Variants in SHANK1 observed in about 807,000 individuals in gnomAD.
The protein encoded by SHANK1 is SH3 and multiple ankyrin repeat domains 1, also known as SH3 and multiple ankyrin repeat domains protein 1.
Under a neutral mutation model 165.6 loss-of-function variants are expected in SHANK1, and 35 were observed. That is an observed-to-expected ratio of 0.21 (90% CI 0.16 to 0.28). SHANK1 has a LOEUF of 0.28. Among genes scored for constraint, SHANK1 ranks in the 10% least tolerant of loss-of-function variants. The pLI, the probability that SHANK1 is intolerant of heterozygous loss-of-function variation, is 1.00. For synonymous variants in SHANK1, 1,428 were observed against 1,384.8 expected, an observed-to-expected ratio of 1.03 and a Z score of -0.69; for missense variants, 2,681 against 3,036.4, an observed-to-expected ratio of 0.88 and a Z score of 2.75.
chr19:50,713,811 C>T lies in SHANK1; in HGVS notation c.779G>A (p.Cys260Tyr). The T allele has an allele frequency of 2.5e-6, 4 of 1,613,418 alleles. No homozygotes were observed. Among genetic ancestry groups the T allele is most frequent in the Non-Finnish European group, 3.4e-6 (4 of 1,179,942 alleles). The part of the protein sequence containing the change: ...ALHKAACARH[C>Y]LALTALLDLG... ...CCGAAGCCTCACCGTGAGTGCCAGG[C>T]AGTGTCGGGCGCATGCGGCCTTATG... The change falls in exon 6 of 24, where the codon TGC becomes TAC. Residue 260 changes from cysteine (C) to tyrosine (Y), a missense_variant. Cys to Tyr is a radical substitution (Grantham distance 194, BLOSUM62 -2). This residue lies in a region of SHANK1 where 189 missense variants were observed against 440.9 expected (regional missense o/e 0.43). Transcript: ENST00000293441. The surrounding 1 kb of genome is among the most constrained non-coding windows in gnomAD (Gnocchi z 6.2).
At position 50,713,701 on chromosome 19, in the gene SHANK1, A is replaced by G; in HGVS notation, c.792+97T>C. 6.6e-7 allele frequency: 1 copy of G among 1,508,614 alleles called. No individual in the cohort carries two copies. The highest frequency in any genetic ancestry group is 1.4e-5 in the African/African-American group (1 of 72,724). 93.5% of individuals were successfully genotyped at this position (1,508,614 alleles called of 1,614,324 possible). ...TTGAACTGGGGACATGAGAGGGCCT[A>G]TTTTTAACTGAAACCAAAGAACTGA... On this transcript the variant is annotated intron_variant, in intron 6 of 23. Coordinates refer to ENST00000293441, the MANE Select transcript of SHANK1 (RefSeq NM_016148.5). This position sits in a 1 kb window ranked among gnomAD's most constrained non-coding sequence, Gnocchi z 6.2.
intron 15 of SHANK1, among the ~76,000 whole-genome samples, chr19:50,692,547 C>G (rs1339353828): frequency 6.6e-6 from 1 of 150,806 alleles, no homozygotes; most frequent in Non-Finnish European, 1.5e-5. Context: ...GTTCCTGCTT[C>G]TGCTTCTCAA....
chr19:50,683,712 G>A (rs925946129), intron 21 of SHANK1, among the ~76,000 whole-genome samples: 5 of 152,246 alleles, frequency 3.3e-5, no homozygotes, highest in South Asian at 2.1e-4. Context: ...AGGCACCCTC[G>A]TTCAGCCTCG....
chr19:50,696,496 A>G (rs1986746194), intron 15 of SHANK1, among the ~76,000 whole-genome samples: 1 of 152,016 alleles, frequency 6.6e-6, no homozygotes. Context: ...GCTACGCACA[A>G]GGGGACTCTT....
rs1331180551 is a variant in SHANK1, at chr19:50,670,065, C to A, written c.2675-780G>T. ...TTATGCCTGGGGCCCCATCCTCCGC[C>A]CTGAGCTCTGGGCCCCTATATTCAA... On this transcript the variant is annotated intron_variant, in intron 22 of 23. Coordinates refer to ENST00000293441, the MANE Select transcript of SHANK1 (RefSeq NM_016148.5). This position sits in a 1 kb window ranked among gnomAD's most constrained non-coding sequence, Gnocchi z 4.1. Among the ~76,000 whole-genome samples, 1 of 152,132 alleles carries A rather than the reference C, an allele frequency of 6.6e-6. No homozygotes were observed. The highest frequency in any genetic ancestry group is 1.5e-5 in the Non-Finnish European group (1 of 68,028).
Position 50,668,225 on chromosome 19 carries a change from G to T in SHANK1, c.3735C>A (p.Gly1245=). The T allele has an allele frequency of 6.7e-7, 1 of 1,487,274 alleles. No homozygotes were observed. Among genetic ancestry groups the T allele is most frequent in the African/African-American group, 1.5e-5 (1 of 68,590 alleles). The allele number at this position is 1,487,274 out of a possible 1,614,324, so 92.1% of individuals were successfully genotyped here. Residue 1245 remains glycine (G), a synonymous_variant, in exon 23 of 24, where the codon GGC becomes GGA. Transcript: ENST00000293441. ...ALVGAARREG[G]WQNEARRRST... is the part of the protein sequence containing the mutation. ...AGCGCCGGCGCGCCTCATTCTGCCA[G>T]CCCCCCTCCCTCCGGGCCGCCCCCA... is the stretch of plus-strand genomic sequence containing the variant.
intron 15 of SHANK1, among the ~76,000 whole-genome samples, chr19:50,693,559 C>T (rs1457240035): frequency 6.6e-6 from 1 of 151,636 alleles, no homozygotes; most frequent in South Asian, 2.1e-4. Flanking sequence ...GGCACTGCAG[C>T]GGCCTGCACT....
At position 50,716,295 on chromosome 19, in the gene SHANK1, T is replaced by C; in HGVS notation, c.439A>G (p.Lys147Glu). The C allele has an allele frequency of 6.2e-7, 1 of 1,614,012 alleles. No individual in the cohort carries two copies. Among genetic ancestry groups the C allele is most frequent in the Non-Finnish European group, 8.5e-7 (1 of 1,179,952 alleles). ...LLREYPQSFE[K>E]GVPYLEFRYK... is the part of the protein sequence containing the mutation. ...TTCACCTCCAGGTAGGGGACCCCCT[T>C]CTCAAAGGACTGGGGGTACTCCCGC... Residue 147 changes from lysine to glutamate, a missense_variant, in exon 3 of 24, where the codon AAG (lysine) becomes GAG (glutamate). Around this residue, in one of 10 missense-constraint regions of SHANK1, gnomAD observed 189 missense variants for 440.9 expected, o/e 0.43. Coordinates refer to ENST00000293441, the MANE Select transcript of SHANK1 (RefSeq NM_016148.5). The surrounding 1 kb of genome is among the most constrained non-coding windows in gnomAD (Gnocchi z 8.4).
At position 50,659,722 on chromosome 19, in the gene SHANK1, G is replaced by A. The variant is rs1311477902; in HGVS notation, c.*2243C>T. On this transcript the variant is annotated 3_prime_UTR_variant, in exon 24 of 24. Transcript: ENST00000293441. Reference sequence around the variant, plus strand: ...TTGCTTTTTCTCTCCTCTCCACCCCGCGCTGTCCCCGCATTCGGTCCCTCC... The same window carrying A: ...TTGCTTTTTCTCTCCTCTCCACCCCACGCTGTCCCCGCATTCGGTCCCTCC... Among the ~76,000 whole-genome samples the A allele has an allele frequency of 7.2e-6, 1 of 138,168 alleles. No homozygotes were observed. Among genetic ancestry groups the A allele is most frequent in the Non-Finnish European group, 1.5e-5 (1 of 64,800 alleles). The allele number at this position is 138,168 out of a possible 152,430, so 90.6% of individuals were successfully genotyped here.
At position 50,716,267 on chromosome 19, in the gene SHANK1, A is replaced by C. The variant is rs1245237748; in HGVS notation, c.459+8T>G. On this transcript the variant is annotated splice_region_variant and intron_variant, in intron 3 of 23. Transcript: ENST00000293441. The surrounding 1 kb of genome is among the most constrained non-coding windows in gnomAD (Gnocchi z 8.4). The stretch of plus-strand genomic sequence containing the variant: ...CTCTTATCAGTGAAGGAGTTGGGGA[A>C]GCTTCACCTCCAGGTAGGGGACCCC... 6.2e-7 allele frequency: 1 copy of C among 1,612,498 alleles called. No individual in the cohort carries two copies. The highest frequency in any genetic ancestry group is 1.7e-5 in the Admixed American group (1 of 60,012).
rs184954389 is a variant in SHANK1, at chr19:50,709,742, G to T, written c.1077+1629C>A. On this transcript the variant is annotated intron_variant, in intron 8 of 23. Transcript: ENST00000293441. ...TTTTTGTATTTTTTCATAGAGACCA[G>T]GTTTTCCCACGTTGCCCAGGCTGGT... 2.0e-5 allele frequency among the ~76,000 whole-genome samples: 3 copies of T among 152,206 alleles called. No homozygotes were observed. In the East Asian group the frequency reaches 5.8e-4, roughly 29 times the overall value.
chr19:50,698,793 C>A (rs951003279), intron 12 of SHANK1, among the ~76,000 whole-genome samples: 3 of 152,182 alleles, frequency 2.0e-5, no homozygotes, highest in African/African-American at 7.2e-5. Context: ...AGAGGGCATA[C>A]TTTCAGTCAC....
In SHANK1 at chr19:50,704,470, A is replaced by G; in HGVS notation, c.1122T>C (p.Asp374=). 6.2e-7 allele frequency: 1 copy of G among 1,613,960 alleles called. No individual in the cohort carries two copies. Among genetic ancestry groups the G allele is most frequent in the Non-Finnish European group, 8.5e-7 (1 of 1,179,994 alleles). The change falls in exon 9 of 24, where the codon GAT becomes GAC. Residue 374 remains aspartate (D), a synonymous_variant. Transcript: ENST00000293441. ...RILLYRGADK[D]VKNNNGQTPF... ...GGGTCTGTCCGTTGTTGTTCTTCACATCCTTGTCGGCACCTCGATACAGGA... is the reference window on the plus strand; with the variant it reads ...GGGTCTGTCCGTTGTTGTTCTTCACGTCCTTGTCGGCACCTCGATACAGGA...
Position 50,668,865 on chromosome 19 carries a change from G to A in SHANK1, c.3095C>T (p.Pro1032Leu). 7.7e-7 allele frequency: 1 copy of A among 1,294,162 alleles called. No homozygotes were observed. The highest frequency in any genetic ancestry group is 2.6e-5 in the South Asian group (1 of 38,470). The allele number at this position is 1,294,162 out of a possible 1,614,324, so 80.2% of individuals were successfully genotyped here. A position where few individuals can be genotyped will look rare whatever the true frequency, so the allele number is the denominator to read the frequency against. Residue 1032 changes from proline (P) to leucine (L), a missense_variant, in exon 23 of 24, where the codon CCC becomes CTC. Transcript: ENST00000293441. ...AGCCAGGCGGGGTGGAGGGTCGTCGGGAGAGCCGCCTGTCTCCATCTCGGG... is the reference window on the plus strand; with the variant it reads ...AGCCAGGCGGGGTGGAGGGTCGTCGAGAGAGCCGCCTGTCTCCATCTCGGG... Reference protein sequence around the residue: ...HPPEMETGGSPDDPPPRLALG... With the variant: ...HPPEMETGGSLDDPPPRLALG...
At position 50,713,787 on chromosome 19, in the gene SHANK1, C is replaced by G; in HGVS notation, c.792+11G>C. The G allele has an allele frequency of 2.5e-6, 4 of 1,611,778 alleles. No individual in the cohort carries two copies. Among genetic ancestry groups the G allele is most frequent in the South Asian group, 1.1e-5 (1 of 91,000 alleles). On this transcript the variant is annotated intron_variant, in intron 6 of 23. Transcript: ENST00000293441. This position sits in a 1 kb window ranked among gnomAD's most constrained non-coding sequence, Gnocchi z 6.2. Reference sequence around the variant, plus strand: ...CCCCATGGCGGGGATGGGGGGTCCCCGAAGCCTCACCGTGAGTGCCAGGCA... The same window carrying G: ...CCCCATGGCGGGGATGGGGGGTCCCGGAAGCCTCACCGTGAGTGCCAGGCA...
At position 50,670,400 on chromosome 19, in the gene SHANK1, T is replaced by C. The variant is rs954576583; in HGVS notation, c.2675-1115A>G. ...CAGCCACTATCATTTCCTATCTGGA[T>C]AGCAATAGCTGTCACCTCCTCTTTG... is the stretch of plus-strand genomic sequence containing the variant. On this transcript the variant is annotated intron_variant, in intron 22 of 23. Transcript: ENST00000293441. This position sits in a 1 kb window ranked among gnomAD's most constrained non-coding sequence, Gnocchi z 4.1. 6.6e-6 allele frequency among the ~76,000 whole-genome samples: 1 copy of C among 152,238 alleles called. No individual in the cohort carries two copies. The highest frequency in any genetic ancestry group is 1.5e-5 in the Non-Finnish European group (1 of 68,050).
At position 50,713,836 on chromosome 19, in the gene SHANK1, G is replaced by A; in HGVS notation, c.754C>T (p.His252Tyr). 6.2e-7 allele frequency: 1 copy of A among 1,613,894 alleles called. No homozygotes were observed. Among genetic ancestry groups the A allele is most frequent in the Non-Finnish European group, 8.5e-7 (1 of 1,179,994 alleles). The change falls in exon 6 of 24, where the codon CAT becomes TAT. Residue 252 changes from histidine to tyrosine, a missense_variant. By Grantham distance (83) the His-to-Tyr change is moderately conservative (BLOSUM62 2). Coordinates refer to ENST00000293441, the MANE Select transcript of SHANK1 (RefSeq NM_016148.5). The surrounding 1 kb of genome is among the most constrained non-coding windows in gnomAD (Gnocchi z 6.2). ...CAGTGTCGGGCGCATGCGGCCTTATGCAGTGCGGTCATGCCATCCCGGGCC... is the reference window on the plus strand; with the variant it reads ...CAGTGTCGGGCGCATGCGGCCTTATACAGTGCGGTCATGCCATCCCGGGCC... ...FRARDGMTAL[H>Y]KAACARHCLA... is the part of the protein sequence containing the mutation.
At position 50,716,934 on chromosome 19, in the gene SHANK1, G is replaced by A. The variant is rs1284062150; in HGVS notation, c.-15C>T. The A allele has an allele frequency of 2.7e-5, 38 of 1,423,660 alleles. No individual in the cohort carries two copies. Among genetic ancestry groups the A allele is most frequent in the Non-Finnish European group, 3.3e-5 (36 of 1,089,180 alleles). The allele number at this position is 1,423,660 out of a possible 1,614,324, so 88.2% of individuals were successfully genotyped here. ...CTGTGGGTCATTGTGGGGCCACGGG[G>A]CGACGGGGGACGGCAGCATCACAGG... On this transcript the variant is annotated 5_prime_UTR_variant, in exon 2 of 24. Transcript: ENST00000293441. The surrounding 1 kb of genome is among the most constrained non-coding windows in gnomAD (Gnocchi z 8.4).
intron 22 of SHANK1, 57 bp from the exon 23 acceptor site, chr19:50,669,342 C>T: frequency 1.7e-6 from 2 of 1,171,490 alleles, no homozygotes; most frequent in Non-Finnish European, 2.5e-6. Flanking sequence ...TCTCCCTGCT[C>T]CACTATCCCA....
Sources: allele counts gnomAD v4.1 joint callset (sites outside exome capture counted in the v4.1 genomes callset), GRCh38; gene constraint gnomAD v4.1.1; regional missense constraint gnomAD v4.1.1; non-coding constraint Gnocchi (gnomAD v3.1); transcripts MANE v1.5; gene names NCBI Gene and HGNC (gene_info 2026-07-23, HGNC 2026-07-21).